Variants in NAALADL2 observed in about 807,000 individuals in gnomAD.
NAALADL2 encodes the protein N-acetylated alpha-linked acidic dipeptidase like 2.
Under a neutral mutation model 87.2 loss-of-function variants are expected in NAALADL2, and 76 were observed. That is an observed-to-expected ratio of 0.87 (90% CI 0.72 to 1.05). NAALADL2 has a LOEUF of 1.05. NAALADL2 is among the 50% of genes least tolerant of loss of function. The probability of loss-of-function intolerance (pLI) is 0.00; values close to 1 mark genes in which losing one functional copy is unlikely to be tolerated. For missense variants in NAALADL2, 1,089 were observed against 945.8 expected, an observed-to-expected ratio of 1.15 and a Z score of -1.99; for synonymous variants, 354 against 331.0, an observed-to-expected ratio of 1.07 and a Z score of -0.75.
chr3:174,527,862 T>C (rs927939163), intron 1 of NAALADL2, among the ~76,000 whole-genome samples: 3 of 152,178 alleles, frequency 2.0e-5, no homozygotes, highest in African/African-American at 7.2e-5. Flanking sequence ...TATTTCGTAT[T>C]GGAAAGGGGA....
intron 2 of NAALADL2, among the ~76,000 whole-genome samples, chr3:175,163,568 T>A (rs1346489885): frequency 6.6e-6 from 1 of 151,986 alleles, no homozygotes; most frequent in Non-Finnish European, 1.5e-5. Context: ...TGGAGAGTGT[T>A]GAGAGTAGGG....
At chr3:175,156,795 A>G (rs1379821891) in intron 2 of NAALADL2, among the ~76,000 whole-genome samples, 2 of 152,048 alleles carry the variant, frequency 1.3e-5, no homozygotes, top group Admixed American at 1.3e-4. Context: ...CCTACAGAAA[A>G]GTGGGGAAGA....
chr3:175,208,529 C>A (rs1329355380), intron 2 of NAALADL2, among the ~76,000 whole-genome samples: 1 of 152,138 alleles, frequency 6.6e-6, no homozygotes, highest in African/African-American at 2.4e-5. Context: ...ACTAGCTGGT[C>A]AGTCAGCATG....
chr3:175,791,392 A>ATTTG (rs557913485), intron 13 of NAALADL2, among the ~76,000 whole-genome samples: 137 of 152,300 alleles, frequency 9.0e-4, no homozygotes, highest in African/African-American at 3.2e-3. Flanking sequence ...GGGTCCAGAT[A>ATTTG]TTTGTATTTG....
At chr3:175,137,673 T>G (rs1651872702) in intron 2 of NAALADL2, among the ~76,000 whole-genome samples, 1 of 150,560 alleles carries the variant, frequency 6.6e-6, no homozygotes, top group African/African-American at 2.4e-5. Flanking sequence ...TGGCTCAACC[T>G]CAGCTCAGTG....
chr3:174,603,819 C>G lies in NAALADL2; in HGVS notation c.-115+53182C>G, dbSNP rs531236063. ...CAAGAATTTTTTAAAAATTTTTTCT[C>G]TACTGGCCATTCAGGAGTGTATTAT... On this transcript the variant is annotated intron_variant, in intron 2 of 3. Coordinates refer to the NAALADL2 transcript ENST00000434257. 9.7e-4 allele frequency among the ~76,000 whole-genome samples: 148 copies of G among 151,878 alleles called. 2 individuals are homozygous for G. The highest frequency in any genetic ancestry group is 3.9e-3 in the South Asian group (19 of 4,824).
In NAALADL2 at chr3:174,979,184, GCT is replaced by G. The variant is rs1744768145; in HGVS notation, c.44-117601_44-117600del. On this transcript the variant is annotated intron_variant, in intron 1 of 13. Coordinates refer to ENST00000454872, the MANE Select transcript of NAALADL2 (RefSeq NM_207015.3). Reference sequence around the variant, plus strand: ...TTCTTATTTTCTTCAGAGTTTTCATGCTCTCTTCTGGAGTCCTCTAAATTTTT... The same window carrying G: ...TTCTTATTTTCTTCAGAGTTTTCATGCTCTTCTGGAGTCCTCTAAATTTTT... Among the ~76,000 whole-genome samples the G allele has an allele frequency of 2.7e-5, 4 of 150,784 alleles. No individual in the cohort carries two copies. The South Asian group carries it at 8.4e-4, about 32-fold the overall frequency.
intron 2 of NAALADL2, among the ~76,000 whole-genome samples, chr3:175,120,410 A>G (rs1340889382): frequency 1.3e-5 from 2 of 151,834 alleles, no homozygotes; most frequent in Non-Finnish European, 2.9e-5. Flanking sequence ...TTCTGTATTT[A>G]GCAGTTTACT....
intron 1 of NAALADL2, among the ~76,000 whole-genome samples, chr3:175,065,512 T>C (rs986398758): frequency 1.2e-4 from 19 of 152,220 alleles, no homozygotes; most frequent in African/African-American, 4.1e-4. Flanking sequence ...ATACAAGGTA[T>C]AGTAATCCCA....
At chr3:174,952,967 C>T (rs531772367) in intron 1 of NAALADL2, among the ~76,000 whole-genome samples, 72 of 152,030 alleles carry the variant, frequency 4.7e-4, no homozygotes, top group Non-Finnish European at 8.5e-4. Flanking sequence ...AATGAGCTAT[C>T]TCCTTAGGGG....
In NAALADL2 at chr3:175,096,897, G is replaced by A. The variant is rs1005078884; in HGVS notation, c.151G>A (p.Asp51Asn). Residue 51 changes from aspartate (D) to asparagine (N), a missense_variant, in exon 2 of 14, where the codon GAC becomes AAC. Transcript: ENST00000454872. ...LQATALDLEW[D>N]MEKELEESGF... is the part of the protein sequence containing the mutation. ...AGCCACTGCCCTTGACTTAGAGTGGGACATGGAGAAGGAACTAGAGGAGTC... is the reference window on the plus strand; with the variant it reads ...AGCCACTGCCCTTGACTTAGAGTGGAACATGGAGAAGGAACTAGAGGAGTC... The A allele has an allele frequency of 6.2e-7, 1 of 1,613,228 alleles. No homozygotes were observed. Among genetic ancestry groups the A allele is most frequent in the Non-Finnish European group, 8.5e-7 (1 of 1,179,616 alleles).
intron 13 of NAALADL2, among the ~76,000 whole-genome samples, chr3:175,791,784 A>G (rs912891458): frequency 3.3e-5 from 5 of 151,566 alleles, no homozygotes; most frequent in Non-Finnish European, 5.9e-5. Flanking sequence ...TATTTTTTCA[A>G]TAAATTTATT....
chr3:175,578,766 T>C (rs998223668), intron 10 of NAALADL2, among the ~76,000 whole-genome samples: 5 of 152,200 alleles, frequency 3.3e-5, no homozygotes, highest in African/African-American at 1.2e-4. Context: ...TATCAATATA[T>C]TTTGTTTGAC....
chr3:175,557,221 ATC>A (rs1447762429), intron 9 of NAALADL2, among the ~76,000 whole-genome samples: 1 of 152,158 alleles, frequency 6.6e-6, no homozygotes, highest in East Asian at 1.9e-4. Context: ...TACCAAATTT[ATC>A]TCAACATTTC....
chr3:174,888,111 C>T (rs7630777), intron 1 of NAALADL2, among the ~76,000 whole-genome samples: 53,181 of 151,764 alleles, frequency 0.35, 9,906 homozygotes, highest in African/African-American at 0.49. Context: ...GTGAGGATCA[C>T]GGGAAAAAAG....
chr3:175,725,902 T>A (rs931659943), intron 11 of NAALADL2, among the ~76,000 whole-genome samples: 3 of 152,182 alleles, frequency 2.0e-5, no homozygotes, highest in Non-Finnish European at 4.4e-5. Flanking sequence ...ATTATTGATA[T>A]CATGTTAAAG....
intron 9 of NAALADL2, among the ~76,000 whole-genome samples, chr3:175,524,553 A>G (rs1205761991): frequency 1.3e-5 from 2 of 152,096 alleles, no homozygotes; most frequent in African/African-American, 4.8e-5. Context: ...TCTCTTCCTT[A>G]TATAGTTTAT....
At chr3:174,986,501 T>G (rs962559172) in intron 1 of NAALADL2, among the ~76,000 whole-genome samples, 2 of 151,884 alleles carry the variant, frequency 1.3e-5, no homozygotes, top group Admixed American at 1.3e-4. Flanking sequence ...AGCATATTAG[T>G]TTTTCCGTTA....
chr3:175,422,185 G>A (rs1715823325), intron 5 of NAALADL2, among the ~76,000 whole-genome samples: 2 of 152,048 alleles, frequency 1.3e-5, no homozygotes, highest in Admixed American at 1.3e-4. Flanking sequence ...GAGTATGCCA[G>A]CAAAATAGGA....
Sources: gnomAD v4.1 joint callset for allele counts (sites outside exome capture counted in the v4.1 genomes callset) on GRCh38, gnomAD v4.1.1 for gene constraint, MANE v1.5 for transcripts, NCBI Gene and HGNC (gene_info 2026-07-23, HGNC 2026-07-21) for gene names.